SMCHD1: variants seen among roughly 807,000 people sequenced by gnomAD.
SMCHD1 encodes structural maintenance of chromosomes flexible hinge domain containing 1.
Under a neutral mutation model 254.7 loss-of-function variants are expected in SMCHD1, and 78 were observed. That is an observed-to-expected ratio of 0.31 (90% confidence interval 0.26 to 0.37). The LOEUF is 0.37. SMCHD1 is among the 10% of genes least tolerant of loss of function. The probability of loss-of-function intolerance (pLI) is 1.00; values close to 1 mark genes in which losing one functional copy is unlikely to be tolerated. For missense variants in SMCHD1, 1,840 were observed against 2,408.1 expected (o/e 0.76, Z 4.94); for synonymous variants, 766 against 794.9 (o/e 0.96, Z 0.61).
intron 47 of SMCHD1, among the ~76,000 whole-genome samples, chr18:2,798,114 GT>G (rs1217949948): frequency 6.6e-6 from 1 of 152,188 alleles, no homozygotes; most frequent in African/African-American, 2.4e-5. Context: ...GGTGTGGCAT[GT>G]TTGAGGAACT....
At chr18:2,725,986 G>A (rs1332048175) in intron 21 of SMCHD1, among the ~76,000 whole-genome samples, 1 of 151,618 alleles carries the variant, frequency 6.6e-6, no homozygotes, top group Admixed American at 6.6e-5. Context: ...TGACAAAACC[G>A]TGGACTTTTT....
At chr18:2,716,672 A>T (rs542059130) in intron 17 of SMCHD1, among the ~76,000 whole-genome samples, 20 of 152,326 alleles carry the variant, frequency 1.3e-4, no homozygotes, top group South Asian at 1.0e-3. Flanking sequence ...GGAGCAGAGC[A>T]ACCACTGCCA....
intron 3 of SMCHD1, among the ~76,000 whole-genome samples, chr18:2,671,644 G>A (rs1326402761): frequency 7.1e-6 from 1 of 141,080 alleles, no homozygotes; most frequent in Non-Finnish European, 1.5e-5. Context: ...CGCCCAGGCT[G>A]GAGTGCAGTG....
At chr18:2,742,059 T>C (rs1024467956) in intron 28 of SMCHD1, among the ~76,000 whole-genome samples, 2 of 152,220 alleles carry the variant, frequency 1.3e-5, no homozygotes, top group Non-Finnish European at 2.9e-5. Flanking sequence ...TGCTCTGTTC[T>C]ACCTGACCAA....
At chr18:2,707,515 C>T (rs2074546570) in intron 15 of SMCHD1, 48 bp from the exon 16 acceptor site, 1 of 1,118,970 alleles carries the variant, frequency 8.9e-7, no homozygotes, top group Non-Finnish European at 1.3e-6. Context: ...TAATTAAGAT[C>T]ATAATTAACA....
chr18:2,774,157 T>A (rs1313200568), intron 41 of SMCHD1, among the ~76,000 whole-genome samples: 1 of 152,194 alleles, frequency 6.6e-6, no homozygotes, highest in Non-Finnish European at 1.5e-5. Context: ...ATTATAGTTA[T>A]ACTTAACATG....
At chr18:2,750,146 T>C (rs1222141422) in intron 31 of SMCHD1, 24 bp downstream of exon 31, 2 of 1,562,454 alleles carry the variant, frequency 1.3e-6, no homozygotes, top group South Asian at 2.3e-5. Context: ...GTTTGATAGT[T>C]GTTGGTGTTA....
rs1265487977 is a variant in SMCHD1 at position 2,703,725 on chromosome 18, T to C, written c.1681T>C (p.Leu561=). ...QRMKIDREFA[L]WLKDCHEKYD... is the part of the protein sequence containing the mutation. ...AATGAAAATTGACAGAGAATTTGCTTTGTGGCTGAAGGACTGTCATGAGAA... is the reference window on the plus strand; with the variant it reads ...AATGAAAATTGACAGAGAATTTGCTCTGTGGCTGAAGGACTGTCATGAGAA... The change falls in exon 13 of 48, where the codon TTG becomes CTG. Residue 561 remains leucine, a synonymous_variant. Coordinates refer to ENST00000320876, the MANE Select transcript of SMCHD1 (RefSeq NM_015295.3). 2 of 1,609,060 alleles carry C rather than the reference T, an allele frequency of 1.2e-6. No individual in the cohort carries two copies. The highest frequency in any genetic ancestry group is 2.2e-5 in the East Asian group (1 of 44,698).
At position 2,716,371 on chromosome 18, in the gene SMCHD1, C is replaced by T. The variant is rs908177354; in HGVS notation, c.2261-1787C>T. 4.6e-5 allele frequency among the ~76,000 whole-genome samples: 7 copies of T among 152,262 alleles called. 1 individual carries two copies. The highest frequency in any genetic ancestry group is 4.6e-4 in the Admixed American group (7 of 15,298). On this transcript the variant is annotated intron_variant, in intron 17 of 47. Coordinates refer to ENST00000320876, the MANE Select transcript of SMCHD1 (RefSeq NM_015295.3). Reference sequence around the variant, plus strand: ...TTTAATGGGCTGTGAAGGTTGGCCTCCTGTCCGGTATGTGGTGCTAGAAGG... The same window carrying T: ...TTTAATGGGCTGTGAAGGTTGGCCTTCTGTCCGGTATGTGGTGCTAGAAGG...
intron 7 of SMCHD1, among the ~76,000 whole-genome samples, chr18:2,692,479 A>G (rs1180670708): frequency 6.6e-6 from 1 of 152,234 alleles, no homozygotes; most frequent in African/African-American, 2.4e-5. Context: ...GGCATCCACT[A>G]GCCATGCAGT....
chr18:2,784,057 TCTC>T (rs1260891239), intron 44 of SMCHD1, among the ~76,000 whole-genome samples: 2 of 152,184 alleles, frequency 1.3e-5, no homozygotes, highest in African/African-American at 4.8e-5. Flanking sequence ...AATGTAATAT[TCTC>T]CTTTTGCTAT....
At chr18:2,719,126 C>G (rs1304599854) in intron 19 of SMCHD1, among the ~76,000 whole-genome samples, 1 of 151,454 alleles carries the variant, frequency 6.6e-6, no homozygotes, top group African/African-American at 2.4e-5. Flanking sequence ...CTCGTATACC[C>G]TTTCAGTCTG....
rs953222079 is a variant in SMCHD1 at position 2,718,511 on chromosome 18, A to G, written c.2458+77A>G. 7.8e-7 allele frequency: 1 copy of G among 1,281,076 alleles called. No homozygotes were observed. The highest frequency in any genetic ancestry group is 1.5e-5 in the African/African-American group (1 of 65,984). 79.4% of individuals were successfully genotyped at this position (1,281,076 alleles called of 1,614,324 possible). A position where few individuals can be genotyped will look rare whatever the true frequency, so the allele number is the denominator to read the frequency against. ...TCCAAAGAGAAAAGAGAGATAAGCC[A>G]TTAAAAGATGTTTGAACAATTGGGT... On this transcript the variant is annotated intron_variant, in intron 19 of 47. Coordinates refer to ENST00000320876, the MANE Select transcript of SMCHD1 (RefSeq NM_015295.3). The surrounding 1 kb of genome is among the most constrained non-coding windows in gnomAD (Gnocchi z 4.6).
chr18:2,656,153 G>A lies in SMCHD1; in HGVS notation c.78G>A (p.Arg26=). The change falls in exon 1 of 48, where the codon AGG becomes AGA. Residue 26 remains arginine (R), a synonymous_variant. Transcript: ENST00000320876. ...TEEDGGGVGH[R]TVYLFDRREK... is the part of the protein sequence containing the mutation. ...AGGATGGCGGAGGCGTCGGCCACAG[G>A]ACGGTGTACTTGTTTGATCGGCGCG... 6.6e-7 allele frequency: 1 copy of A among 1,514,228 alleles called. No individual in the cohort carries two copies. The highest frequency in any genetic ancestry group is 8.8e-7 in the Non-Finnish European group (1 of 1,134,782). 93.8% of individuals were successfully genotyped at this position (1,514,228 alleles called of 1,614,324 possible). A position where few individuals can be genotyped will look rare whatever the true frequency, so the allele number is the denominator to read the frequency against.
At chr18:2,664,799 T>C (rs2073390646) in intron 1 of SMCHD1, among the ~76,000 whole-genome samples, 1 of 152,200 alleles carries the variant, frequency 6.6e-6, no homozygotes, top group Non-Finnish European at 1.5e-5. Flanking sequence ...GTTTATTAGC[T>C]GGAATTCTTT....
rs1598317618 is a variant in SMCHD1 at position 2,688,695 on chromosome 18, A to G, written c.821A>G (p.Lys274Arg). Residue 274 changes from lysine (K) to arginine (R), a missense_variant, in exon 7 of 48, where the codon AAG (lysine) becomes AGG (arginine). By Grantham distance (26) the Lys-to-Arg change is conservative. Around this residue, in one of 9 missense-constraint regions of SMCHD1, gnomAD observed 498 missense variants for 743.5 expected, o/e 0.67. Coordinates refer to ENST00000320876, the MANE Select transcript of SMCHD1 (RefSeq NM_015295.3). The part of the protein sequence containing the change: ...ELVLSKEDFE[K>R]KEKNKEAIYS... ...GTGCTTTCTAAAGAAGATTTTGAGAAGAAGGAGAAAAATAAAGAGGCAATA... is the reference window on the plus strand; with the variant it reads ...GTGCTTTCTAAAGAAGATTTTGAGAGGAAGGAGAAAAATAAAGAGGCAATA... 1.3e-6 allele frequency: 2 copies of G among 1,529,438 alleles called. No individual in the cohort carries two copies. The highest frequency in any genetic ancestry group is 2.4e-5 in the East Asian group (1 of 41,658). 94.7% of individuals were successfully genotyped at this position (1,529,438 alleles called of 1,614,324 possible). A position where few individuals can be genotyped will look rare whatever the true frequency, so the allele number is the denominator to read the frequency against.
chr18:2,738,233 T>C (rs2075285606), intron 25 of SMCHD1, among the ~76,000 whole-genome samples, 164 bp from the exon 26 acceptor site: 1 of 152,190 alleles, frequency 6.6e-6, no homozygotes, highest in African/African-American at 2.4e-5. Flanking sequence ...AGGATGCCTT[T>C]GTATCATATT....
rs773208486 is a variant in SMCHD1 at position 2,804,156 on chromosome 18, G to A, written c.*1604G>A. ...GACTTTTTAGGAACTAGACTTGAACGTATAATTAATATGTGGAACTAGTTT... is the reference window on the plus strand; with the variant it reads ...GACTTTTTAGGAACTAGACTTGAACATATAATTAATATGTGGAACTAGTTT... On this transcript the variant is annotated 3_prime_UTR_variant, in exon 48 of 48. Transcript: ENST00000320876. The A allele has an allele frequency of 3.3e-5, 5 of 152,194 alleles. No individual in the cohort carries two copies. Among genetic ancestry groups the A allele is most frequent in the African/African-American group, 7.2e-5 (3 of 41,444 alleles). The allele number at this position is 152,194 out of a possible 1,614,324, so 9.4% of individuals were successfully genotyped here.
At chr18:2,788,565 T>C (rs1598449328) in intron 45 of SMCHD1, among the ~76,000 whole-genome samples, 1 of 152,214 alleles carries the variant, frequency 6.6e-6, no homozygotes, top group Non-Finnish European at 1.5e-5. Flanking sequence ...ACTTTTATAA[T>C]CAGAAAAATT....
Sources: gnomAD v4.1 joint callset for allele counts (sites outside exome capture counted in the v4.1 genomes callset) on GRCh38, gnomAD v4.1.1 for gene constraint, gnomAD v4.1.1 regional missense constraint, Gnocchi (gnomAD v3.1) non-coding constraint, MANE v1.5 for transcripts, NCBI Gene and HGNC (gene_info 2026-07-23, HGNC 2026-07-21) for gene names.